Variants in SNAP25 observed in about 807,000 individuals in gnomAD.
SNAP25 encodes the protein synaptosomal-associated protein 25.
In SNAP25, 3 loss-of-function variants were observed where a neutral mutation model predicts 28.7. That is an observed-to-expected ratio of 0.10 (90% CI 0.05 to 0.27). The LOEUF (loss-of-function observed/expected upper bound fraction) is 0.27, where lower values mean the gene tolerates loss of function less well. Ranked by LOEUF, SNAP25 falls within the 10% of genes least tolerant of loss-of-function variation. The probability of loss-of-function intolerance (pLI) is 1.00; values close to 1 mark genes in which losing one functional copy is unlikely to be tolerated. For synonymous variants in SNAP25, 61 were observed against 88.1 expected, an observed-to-expected ratio of 0.69 and a Z score of 1.72; for missense variants, 117 against 278.7, an observed-to-expected ratio of 0.42 and a Z score of 4.13.
At chr20:10,297,994 A>T (rs2064151078) in intron 6 of SNAP25, among the ~76,000 whole-genome samples, 1 of 151,954 alleles carries the variant, frequency 6.6e-6, no homozygotes, top group African/African-American at 2.4e-5. Context: ...TAAAAAAAAA[A>T]AAAACTCAAG....
chr20:10,272,831 T>G (rs2063620528), intron 1 of SNAP25, among the ~76,000 whole-genome samples: 1 of 152,168 alleles, frequency 6.6e-6, no homozygotes, highest in Non-Finnish European at 1.5e-5. Context: ...TGTTATTTCT[T>G]TTTTTACTCA....
intron 1 of SNAP25, among the ~76,000 whole-genome samples, chr20:10,266,511 A>G (rs1235746726): frequency 1.3e-5 from 2 of 152,184 alleles, no homozygotes; most frequent in African/African-American, 2.4e-5. Context: ...TTAACCCATG[A>G]CTTAGATGCT....
chr20:10,242,555 G>A (rs886244538), intron 1 of SNAP25, among the ~76,000 whole-genome samples: 16 of 152,186 alleles, frequency 1.1e-4, no homozygotes, highest in Non-Finnish European at 2.2e-4. Flanking sequence ...TCCAGCATCT[G>A]TTATAGTGGC....
intron 1 of SNAP25, among the ~76,000 whole-genome samples, chr20:10,230,976 T>C (rs1411989021): frequency 6.6e-6 from 1 of 152,134 alleles, no homozygotes; most frequent in East Asian, 1.9e-4. Flanking sequence ...GCCCCCAGAA[T>C]CTTGTCTCCA....
chr20:10,229,563 CA>C (rs1262955222), intron 1 of SNAP25, among the ~76,000 whole-genome samples: 1 of 152,154 alleles, frequency 6.6e-6, no homozygotes, highest in Non-Finnish European at 1.5e-5. Context: ...CTATATAAAG[CA>C]ATGACTTCAA....
intron 1 of SNAP25, among the ~76,000 whole-genome samples, chr20:10,254,487 G>A (rs1052614900): frequency 6.6e-6 from 1 of 152,152 alleles, no homozygotes; most frequent in South Asian, 2.1e-4. Flanking sequence ...CTCAGGGTTG[G>A]CTCTTAGAAG....
At chr20:10,289,213 A>G (rs972023084) in intron 4 of SNAP25, among the ~76,000 whole-genome samples, 3 of 152,200 alleles carry the variant, frequency 2.0e-5, no homozygotes, top group South Asian at 2.1e-4. Flanking sequence ...GAGCATGACA[A>G]CCAGACCTGG....
chr20:10,300,923 C>CG (rs150750125), intron 7 of SNAP25, among the ~76,000 whole-genome samples: 3,124 of 152,164 alleles, frequency 0.021, 106 homozygotes, highest in African/African-American at 0.071. Flanking sequence ...TAACCCATTA[C>CG]GGCCCAGAAT....
At chr20:10,254,344 T>G (rs1374060235) in intron 1 of SNAP25, among the ~76,000 whole-genome samples, 1 of 152,192 alleles carries the variant, frequency 6.6e-6, no homozygotes, top group Non-Finnish European at 1.5e-5. Context: ...CAGAGCTCCA[T>G]GGAGGATGAT....
chr20:10,299,723 A>G (rs937723324), intron 7 of SNAP25, among the ~76,000 whole-genome samples: 5 of 152,236 alleles, frequency 3.3e-5, no homozygotes, highest in Non-Finnish European at 7.3e-5. Flanking sequence ...TTCACGGCCT[A>G]TGGGAGGCTA....
chr20:10,273,428 A>G (rs2063633254), intron 1 of SNAP25, among the ~76,000 whole-genome samples: 1 of 152,238 alleles, frequency 6.6e-6, no homozygotes, highest in South Asian at 2.1e-4. Flanking sequence ...TTTCCATAGC[A>G]TAATAGAAAT....
chr20:10,226,769 T>G lies in SNAP25; in HGVS notation c.-64+7792T>G, dbSNP rs13433111. Among the ~76,000 whole-genome samples, 366 of 152,232 alleles carry G rather than the reference T, an allele frequency of 2.4e-3. 1 individual carries two copies. The highest frequency in any genetic ancestry group is 8.4e-3 in the African/African-American group (348 of 41,548). On this transcript the variant is annotated intron_variant, in intron 1 of 7. Coordinates refer to ENST00000254976, the MANE Select transcript of SNAP25 (RefSeq NM_130811.4). ...CAGCCTCAGCCATCACCGAACTCAG[T>G]AAATATCTAAGGTATGTCTTTGTGT...
rs1450207164 is a variant in SNAP25, at chr20:10,307,038, C to T, written c.*841C>T. On this transcript the variant is annotated 3_prime_UTR_variant, in exon 8 of 8. Transcript: ENST00000254976. The stretch of plus-strand genomic sequence containing the variant: ...CATTTCCAGCAAAATATATGTTTGG[C>T]TGAAATTATGTCAAATGGATGTAAT... 6.6e-6 allele frequency: 1 copy of T among 152,432 alleles called. No homozygotes were observed. Among genetic ancestry groups the T allele is most frequent in the Non-Finnish European group, 1.5e-5 (1 of 68,008 alleles). The allele number at this position is 152,432 out of a possible 1,614,324, so 9.4% of individuals were successfully genotyped here.
At chr20:10,235,600 T>G (rs1196916716) in intron 1 of SNAP25, among the ~76,000 whole-genome samples, 1 of 152,302 alleles carries the variant, frequency 6.6e-6, no homozygotes, top group African/African-American at 2.4e-5. Context: ...CCTGAAGCAG[T>G]TATTTTTCTT....
intron 1 of SNAP25, among the ~76,000 whole-genome samples, chr20:10,223,891 A>G (rs2062681059): frequency 6.6e-6 from 1 of 152,216 alleles, no homozygotes; most frequent in African/African-American, 2.4e-5. Flanking sequence ...ACATATGTTC[A>G]GATATAGTAT....
In SNAP25 at chr20:10,278,036, A is replaced by T. The variant is rs6077716; in HGVS notation, c.114+310A>T. ...GTATCACTTTAAGCAAATTAGAGCAATTCTTAATATACAAAGGAATTATCT... is the reference window on the plus strand; with the variant it reads ...GTATCACTTTAAGCAAATTAGAGCATTTCTTAATATACAAAGGAATTATCT... On this transcript the variant is annotated intron_variant, in intron 3 of 7. Coordinates refer to ENST00000254976, the MANE Select transcript of SNAP25 (RefSeq NM_130811.4). 0.14 allele frequency: 33,866 copies of T among 234,754 alleles called. 2,831 individuals are homozygous for T. The highest frequency in any genetic ancestry group is 0.2 in the Admixed American group (3,636 of 18,418). 14.5% of individuals were successfully genotyped at this position (234,754 alleles called of 1,614,324 possible). A position where few individuals can be genotyped will look rare whatever the true frequency, so the allele number is the denominator to read the frequency against.
intron 1 of SNAP25, among the ~76,000 whole-genome samples, chr20:10,228,202 A>G (rs1253835345): frequency 1.3e-5 from 2 of 152,130 alleles, no homozygotes; most frequent in African/African-American, 2.4e-5. Context: ...AGATACTACC[A>G]CTTAATGACC....
At chr20:10,305,682 C>G (rs1016530656) in intron 7 of SNAP25, among the ~76,000 whole-genome samples, 1 of 152,054 alleles carries the variant, frequency 6.6e-6, no homozygotes, top group African/African-American at 2.4e-5. Flanking sequence ...GCTGAGCCCC[C>G]AAGATGTAAT....
chr20:10,299,341 C>T lies in SNAP25; in HGVS notation c.481C>T (p.Arg161Cys), dbSNP rs1354078628. 3 of 1,614,046 alleles carry T rather than the reference C, an allele frequency of 1.9e-6. No individual in the cohort carries two copies. Among genetic ancestry groups the T allele is most frequent in the South Asian group, 1.1e-5 (1 of 91,062 alleles). ...EQVSGIIGNL[R>C]HMALDMGNEI... ...GGTGAGCGGCATCATCGGGAACCTC[C>T]GTCACATGGCCCTGGATATGGGCAA... is the stretch of plus-strand genomic sequence containing the variant. The change falls in exon 7 of 8, where the codon CGT becomes TGT. Residue 161 changes from arginine (R) to cysteine (C), a missense_variant. This residue lies in a region of SNAP25 where 88 missense variants were observed against 206.9 expected (regional missense o/e 0.43). Coordinates refer to ENST00000254976, the MANE Select transcript of SNAP25 (RefSeq NM_130811.4).
Sources: allele counts gnomAD v4.1 joint callset (sites outside exome capture counted in the v4.1 genomes callset), GRCh38; gene constraint gnomAD v4.1.1; regional missense constraint gnomAD v4.1.1; transcripts MANE v1.5; gene names NCBI Gene and HGNC (gene_info 2026-07-23, HGNC 2026-07-21).